The following TRHR variants were observed in gnomAD, a reference collection of about 807,000 sequenced individuals.
TRHR encodes thyrotropin releasing hormone receptor.
Under a neutral mutation model 28.0 loss-of-function variants are expected in TRHR, and 14 were observed. That is an observed-to-expected ratio of 0.50 (90% confidence interval 0.33 to 0.78). TRHR has a LOEUF of 0.78. TRHR is among the 30% of genes least tolerant of loss of function. The pLI is 0.02. For missense variants in TRHR, 438 were observed against 469.5 expected, an observed-to-expected ratio of 0.93 and a Z score of 0.62; for synonymous variants, 176 against 171.9, an observed-to-expected ratio of 1.02 and a Z score of -0.18.
chr8:109,115,287 T>C (rs1460422075), intron 2 of TRHR, among the ~76,000 whole-genome samples: 1 of 152,174 alleles, frequency 6.6e-6, no homozygotes, highest in Non-Finnish European at 1.5e-5. Context: ...AGGATTGACT[T>C]GGCAATGTGG....
chr8:109,098,948 C>CA (rs1315152473), intron 2 of TRHR, among the ~76,000 whole-genome samples: 1 of 152,154 alleles, frequency 6.6e-6, no homozygotes, highest in Non-Finnish European at 1.5e-5. Flanking sequence ...GTGCATCCCA[C>CA]AATGGCAGAA....
chr8:109,107,019 TGAA>T (rs1359792754), intron 2 of TRHR, among the ~76,000 whole-genome samples: 1 of 152,110 alleles, frequency 6.6e-6, no homozygotes, highest in African/African-American at 2.4e-5. Flanking sequence ...GAAAGTAACT[TGAA>T]GAAGAATTAA....
In TRHR at chr8:109,087,567, G is replaced by C. The variant is rs1187011433; in HGVS notation, c.55G>C (p.Val19Leu). ...LNQTQLQPRA[V>L]VALEYQVVTI... ...CCAAACACAGCTTCAGCCACGAGCA[G>C]TGGTGGCCTTAGAATACCAGGTGGT... Residue 19 changes from valine to leucine, a missense_variant, in exon 2 of 3, where the codon GTG becomes CTG. Transcript: ENST00000518632. The C allele has an allele frequency of 3.7e-6, 6 of 1,614,122 alleles. No individual in the cohort carries two copies. The highest frequency in any genetic ancestry group is 4.2e-6 in the Non-Finnish European group (5 of 1,180,048).
intron 2 of TRHR, among the ~76,000 whole-genome samples, chr8:109,093,262 C>G (rs1563621553): frequency 6.6e-6 from 1 of 151,982 alleles, no homozygotes; most frequent in African/African-American, 2.4e-5. Context: ...CGCTGGGCAC[C>G]CTCCTGACCC....
rs567010969 is a variant in TRHR at position 109,114,539 on chromosome 8, G to T, written c.790-4509G>T. Among the ~76,000 whole-genome samples the T allele has an allele frequency of 1.4e-4, 22 of 152,012 alleles. 1 individual carries two copies. The highest frequency in any genetic ancestry group is 2.4e-4 in the Non-Finnish European group (16 of 67,964). The stretch of plus-strand genomic sequence containing the variant: ...CTTATCATATAAAAGTAATGACTTT[G>T]TAGTGGTTTCCACAAGATTACTAGA... On this transcript the variant is annotated intron_variant, in intron 2 of 2. Transcript: ENST00000518632.
Position 109,087,628 on chromosome 8 carries a change from G to A in TRHR, c.116G>A (p.Gly39Asp). The A allele has an allele frequency of 6.2e-7, 1 of 1,614,096 alleles. No individual in the cohort carries two copies. The highest frequency in any genetic ancestry group is 1.1e-5 in the South Asian group (1 of 91,086). Residue 39 changes from glycine (G) to aspartate (D), a missense_variant, in exon 2 of 3, where the codon GGC becomes GAC. By Grantham distance (94) the Gly-to-Asp change is moderately conservative. Coordinates refer to ENST00000518632, the MANE Select transcript of TRHR (RefSeq NM_003301.7). ...CTTGTACTCATTATTTGTGGCCTGGGCATTGTAGGCAACATCATGGTAGTC... is the reference window on the plus strand; with the variant it reads ...CTTGTACTCATTATTTGTGGCCTGGACATTGTAGGCAACATCATGGTAGTC... ...ILLVLIICGL[G>D]IVGNIMVVLV...
chr8:109,093,372 C>T (rs999664141), intron 2 of TRHR, among the ~76,000 whole-genome samples: 15 of 150,656 alleles, frequency 1.0e-4, no homozygotes, highest in Non-Finnish European at 1.8e-4. Flanking sequence ...CCCTGCCTCA[C>T]TCCAACTCCT....
At chr8:109,113,912 C>T (rs894161898) in intron 2 of TRHR, among the ~76,000 whole-genome samples, 3 of 152,122 alleles carry the variant, frequency 2.0e-5, no homozygotes, top group South Asian at 2.1e-4. Context: ...AGCACATATA[C>T]GCAGGGTTGA....
chr8:109,104,657 G>A (rs951116437), intron 2 of TRHR, among the ~76,000 whole-genome samples: 5 of 152,024 alleles, frequency 3.3e-5, no homozygotes, highest in Non-Finnish European at 7.4e-5. Context: ...CCCATCAGTA[G>A]CAGAGGTACA....
intron 2 of TRHR, among the ~76,000 whole-genome samples, chr8:109,096,764 T>C (rs1363472964): frequency 6.6e-6 from 1 of 152,176 alleles, no homozygotes; most frequent in African/African-American, 2.4e-5. Context: ...TGTGTTTGTG[T>C]GTATGTATAT....
At chr8:109,096,789 GTA>G (rs1387826758) in intron 2 of TRHR, among the ~76,000 whole-genome samples, 1 of 151,480 alleles carries the variant, frequency 6.6e-6, no homozygotes, top group African/African-American at 2.4e-5. Context: ...AAATATATGT[GTA>G]TATATATATA....
intron 2 of TRHR, among the ~76,000 whole-genome samples, chr8:109,099,297 C>CAAA (rs201037757): frequency 6.6e-6 from 1 of 152,102 alleles, no homozygotes; most frequent in Non-Finnish European, 1.5e-5. Flanking sequence ...AGCAGACTGA[C>CAAA]AAACACTGAG....
intron 2 of TRHR, among the ~76,000 whole-genome samples, chr8:109,113,147 G>A: frequency 6.6e-6 from 1 of 152,062 alleles, no homozygotes; most frequent in Non-Finnish European, 1.5e-5. Context: ...CCCCCACACT[G>A]TGCACTGGAC....
intron 2 of TRHR, among the ~76,000 whole-genome samples, chr8:109,103,836 T>C (rs908341811): frequency 6.6e-6 from 1 of 152,178 alleles, no homozygotes; most frequent in Non-Finnish European, 1.5e-5. Context: ...GGGCTCACTG[T>C]TCCCATCATT....
intron 2 of TRHR, among the ~76,000 whole-genome samples, chr8:109,106,106 G>T (rs1811747446): frequency 6.6e-6 from 1 of 152,056 alleles, no homozygotes; most frequent in Non-Finnish European, 1.5e-5. Flanking sequence ...CTAGCAGCTA[G>T]TGCATCCCCT....
In TRHR at chr8:109,090,477, A is replaced by G. The variant is rs180871567; in HGVS notation, c.789+2176A>G. 5.9e-5 allele frequency among the ~76,000 whole-genome samples: 9 copies of G among 152,368 alleles called. No individual in the cohort carries two copies. The East Asian group carries it at 1.7e-3, about 29-fold the overall frequency. On this transcript the variant is annotated intron_variant, in intron 2 of 2. Coordinates refer to ENST00000518632, the MANE Select transcript of TRHR (RefSeq NM_003301.7). ...GGGTTGTCACATTAACACCACTGTC[A>G]GTTAGCCTCCAAGAATAAGGAATGA...
intron 2 of TRHR, among the ~76,000 whole-genome samples, chr8:109,116,251 G>A (rs1471134304): frequency 1.3e-5 from 2 of 152,092 alleles, no homozygotes; most frequent in African/African-American, 4.8e-5. Context: ...AGGGATATTG[G>A]TCTAAAATTC....
At chr8:109,100,064 A>C (rs915394872) in intron 2 of TRHR, among the ~76,000 whole-genome samples, 1 of 152,176 alleles carries the variant, frequency 6.6e-6, no homozygotes, top group Non-Finnish European at 1.5e-5. Context: ...CAAGTGACTC[A>C]AGCCCCTGGC....
chr8:109,095,828 TC>T (rs1172487274), intron 2 of TRHR, among the ~76,000 whole-genome samples: 4 of 151,938 alleles, frequency 2.6e-5, no homozygotes, highest in African/African-American at 7.2e-5. Flanking sequence ...TCTCCTGTTA[TC>T]CCCCCGCCCC....
Sources: gnomAD v4.1 joint callset for allele counts (sites outside exome capture counted in the v4.1 genomes callset) on GRCh38, gnomAD v4.1.1 for gene constraint, MANE v1.5 for transcripts, NCBI Gene and HGNC (gene_info 2026-07-23, HGNC 2026-07-21) for gene names.